DLC1: variants seen among roughly 807,000 people sequenced by gnomAD.
DLC1 encodes the protein rho GTPase-activating protein 7.
A neutral mutation model predicts 140.3 loss-of-function variants in DLC1; 54 were observed. The ratio of observed to expected loss-of-function variants is 0.38; its 90% CI spans 0.31 to 0.48. The LOEUF is 0.48. DLC1 is among the 20% of genes least tolerant of loss of function. The pLI, the probability that DLC1 is intolerant of heterozygous loss-of-function variation, is 0.96. For synonymous variants in DLC1, 986 were observed against 728.1 expected, an observed-to-expected ratio of 1.35 and a Z score of -5.70; for missense variants, 2,536 against 1,907.0, an observed-to-expected ratio of 1.33 and a Z score of -6.14.
rs139431276 is a variant in DLC1, at chr8:13,121,075, T to C, written c.1349-5418A>G. Among the ~76,000 whole-genome samples the C allele has an allele frequency of 3.1e-3, 467 of 152,222 alleles. 2 individuals are homozygous for C. The highest frequency in any genetic ancestry group is 0.011 in the African/African-American group (454 of 41,506). Reference sequence around the variant, plus strand: ...CACCAAAATCAGGCTTCGATGCAAATGGTACAGTGAATTTTTTTTAAAAAT... The same window carrying C: ...CACCAAAATCAGGCTTCGATGCAAACGGTACAGTGAATTTTTTTTAAAAAT... On this transcript the variant is annotated intron_variant, in intron 5 of 17. Coordinates refer to ENST00000276297, the MANE Select transcript of DLC1 (RefSeq NM_182643.3).
At chr8:13,217,854 C>CAA (rs199615802) in intron 5 of DLC1, among the ~76,000 whole-genome samples, 1 of 120,932 alleles carries the variant, frequency 8.3e-6, no homozygotes, top group African/African-American at 3.0e-5. Flanking sequence ...AAAACAACAA[C>CAA]AAAAAAAAAC....
chr8:13,466,360 T>C (rs1799940888), intron 2 of DLC1, among the ~76,000 whole-genome samples: 1 of 152,182 alleles, frequency 6.6e-6, no homozygotes, highest in African/African-American at 2.4e-5. Context: ...ACTTCTGTTG[T>C]TTCATGTGTT....
chr8:13,482,604 T>A (rs1800787523), intron 2 of DLC1, among the ~76,000 whole-genome samples: 1 of 152,192 alleles, frequency 6.6e-6, no homozygotes, highest in African/African-American at 2.4e-5. Flanking sequence ...CCCATGTAAT[T>A]AACTATACGT....
chr8:13,131,049 C>T (rs571627396), intron 5 of DLC1, among the ~76,000 whole-genome samples: 2 of 152,300 alleles, frequency 1.3e-5, no homozygotes, highest in East Asian at 3.9e-4. Flanking sequence ...AACTTTTGTG[C>T]ACACATCTGC....
intron 5 of DLC1, among the ~76,000 whole-genome samples, chr8:13,198,828 T>C (rs906516689): frequency 6.6e-6 from 1 of 151,834 alleles, no homozygotes; most frequent in Non-Finnish European, 1.5e-5. Context: ...GCGATTCTCC[T>C]GCCTCAGCCT....
At chr8:13,409,219 A>G (rs1416628074) in intron 2 of DLC1, among the ~76,000 whole-genome samples, 1 of 152,156 alleles carries the variant, frequency 6.6e-6, no homozygotes, top group Non-Finnish European at 1.5e-5. Flanking sequence ...TTGTATATAC[A>G]TGGTATATAA....
chr8:13,587,602 C>CATATAT lies in DLC1; in HGVS notation c.-126+16929_-126+16934dup, dbSNP rs3066503. ...AGAAAATATATATATATATACATTG[C>CATATAT]ATATATATATATATATATATATACA... On this transcript the variant is annotated intron_variant, in intron 1 of 1. Coordinates refer to the DLC1 transcript ENST00000631382. 2.2e-3 allele frequency among the ~76,000 whole-genome samples: 312 copies of CATATAT among 142,080 alleles called. 3 individuals carry two copies. The highest frequency in any genetic ancestry group is 0.018 in the East Asian group (85 of 4,854). 93.2% of individuals were successfully genotyped at this position (142,080 alleles called of 152,430 possible). A position where few individuals can be genotyped will look rare whatever the true frequency, so the allele number is the denominator to read the frequency against.
intron 5 of DLC1, among the ~76,000 whole-genome samples, chr8:13,124,234 C>T (rs1163070035): frequency 6.6e-6 from 1 of 152,120 alleles, no homozygotes; most frequent in Non-Finnish European, 1.5e-5. Context: ...GGAGGGGTGT[C>T]CCTTCTCGCT....
chr8:13,142,847 C>T (rs1036486166), intron 5 of DLC1, among the ~76,000 whole-genome samples: 10 of 152,022 alleles, frequency 6.6e-5, no homozygotes, highest in South Asian at 6.2e-4. Flanking sequence ...GTTGGGAGTT[C>T]GAGGCCAGCC....
intron 2 of DLC1, among the ~76,000 whole-genome samples, chr8:13,486,857 G>A (rs376344809): frequency 2.0e-5 from 3 of 152,282 alleles, no homozygotes; most frequent in African/African-American, 7.2e-5. Flanking sequence ...GAATGGATTG[G>A]AAGTTAAAGT....
intron 5 of DLC1, among the ~76,000 whole-genome samples, chr8:13,292,219 T>G (rs1284600352): frequency 6.6e-6 from 1 of 152,146 alleles, no homozygotes; most frequent in Non-Finnish European, 1.5e-5. Context: ...AAAGACATTT[T>G]GAATGTGTCT....
At chr8:13,301,099 G>C (rs1179671645) in intron 5 of DLC1, among the ~76,000 whole-genome samples, 1 of 152,110 alleles carries the variant, frequency 6.6e-6, no homozygotes, top group Non-Finnish European at 1.5e-5. Context: ...CTCAGGGACT[G>C]TGGATACAGG....
chr8:13,494,547 A>G (rs750449618), intron 2 of DLC1, among the ~76,000 whole-genome samples: 10 of 152,224 alleles, frequency 6.6e-5, no homozygotes, highest in Admixed American at 2.6e-4. Flanking sequence ...CATAGAGCCT[A>G]TATATTAGTT....
chr8:13,449,739 C>T (rs1336903084), intron 2 of DLC1, among the ~76,000 whole-genome samples: 1 of 151,998 alleles, frequency 6.6e-6, no homozygotes, highest in East Asian at 1.9e-4. Context: ...TTAATGGGTA[C>T]AGCACACCAA....
intron 10 of DLC1, 127 bp from the exon 11 acceptor site, chr8:13,095,372 T>G: frequency 8.4e-7 from 1 of 1,190,064 alleles, no homozygotes; most frequent in Non-Finnish European, 1.2e-6. Flanking sequence ...TACTTAAATT[T>G]AAATTAAACA....
At chr8:13,495,897 G>A (rs1012966380) in intron 2 of DLC1, among the ~76,000 whole-genome samples, 1 of 152,106 alleles carries the variant, frequency 6.6e-6, no homozygotes, top group African/African-American at 2.4e-5. Context: ...GAACTTTGAT[G>A]TGATCTTGAC....
intron 4 of DLC1, among the ~76,000 whole-genome samples, chr8:13,346,326 G>T (rs1451471000): frequency 6.6e-6 from 1 of 152,190 alleles, no homozygotes. Context: ...TGCTAATTTG[G>T]AGGGAAAAAC....
At chr8:13,282,807 T>C (rs1473651551) in intron 5 of DLC1, among the ~76,000 whole-genome samples, 1 of 152,196 alleles carries the variant, frequency 6.6e-6, no homozygotes, top group African/African-American at 2.4e-5. Context: ...CAATTCATAC[T>C]AGCTGTTTTA....
chr8:13,452,270 G>A (rs1018997858), intron 2 of DLC1, among the ~76,000 whole-genome samples: 1 of 151,754 alleles, frequency 6.6e-6, no homozygotes, highest in East Asian at 1.9e-4. Flanking sequence ...TTTAAGAATT[G>A]TACTCAATCA....
Sources: allele counts gnomAD v4.1 joint callset (sites outside exome capture counted in the v4.1 genomes callset), GRCh38; gene constraint gnomAD v4.1.1; transcripts MANE v1.5; gene names NCBI Gene and HGNC (gene_info 2026-07-23, HGNC 2026-07-21).